CDH13: variants seen among roughly 807,000 people sequenced by gnomAD.
CDH13 encodes cadherin-13.
In CDH13, 24 loss-of-function variants were observed where a neutral mutation model predicts 63.8. That is an observed-to-expected ratio of 0.38 (90% CI 0.27 to 0.53). The LOEUF (loss-of-function observed/expected upper bound fraction) is 0.53. Ranked by LOEUF, CDH13 falls within the 20% of genes least tolerant of loss-of-function variation. The pLI is 0.85. For synonymous variants in CDH13, 503 were observed against 355.3 expected (o/e 1.42, Z -4.67); for missense variants, 1,049 against 903.1 (o/e 1.16, Z -2.07).
chr16:83,722,392 A>T (rs1382769006), intron 10 of CDH13, among the ~76,000 whole-genome samples: 1 of 152,234 alleles, frequency 6.6e-6, no homozygotes, highest in Non-Finnish European at 1.5e-5. Context: ...CCCTAGAGCC[A>T]ATTCATAGCA....
chr16:82,943,326 T>C (rs1269917367), intron 2 of CDH13, among the ~76,000 whole-genome samples: 1 of 152,206 alleles, frequency 6.6e-6, no homozygotes, highest in African/African-American at 2.4e-5. Context: ...GCTAGATCAG[T>C]TCTCATAATG....
At chr16:83,140,394 G>A (rs2036480306) in intron 4 of CDH13, among the ~76,000 whole-genome samples, 1 of 152,218 alleles carries the variant, frequency 6.6e-6, no homozygotes, top group African/African-American at 2.4e-5. Context: ...CTTCTAATGT[G>A]GGATCTACTG....
intron 3 of CDH13, among the ~76,000 whole-genome samples, chr16:83,114,349 G>A (rs73602253): frequency 0.05 from 7,678 of 152,256 alleles, 283 homozygotes; most frequent in African/African-American, 0.099. Flanking sequence ...CAAGGCAACA[G>A]TGACTTGCAC....
At chr16:82,876,534 A>G (rs1447770658) in intron 2 of CDH13, among the ~76,000 whole-genome samples, 1 of 152,224 alleles carries the variant, frequency 6.6e-6, no homozygotes, top group Non-Finnish European at 1.5e-5. Context: ...AAAAAAATAG[A>G]TGGAACAGGT....
intron 7 of CDH13, among the ~76,000 whole-genome samples, chr16:83,559,311 C>T (rs934980514): frequency 8.5e-5 from 13 of 152,128 alleles, no homozygotes; most frequent in African/African-American, 2.9e-4. Context: ...GTGGTTCACA[C>T]CTGTAATCCC....
chr16:83,623,751 A>G (rs182253790), intron 8 of CDH13, among the ~76,000 whole-genome samples: 130 of 152,320 alleles, frequency 8.5e-4, no homozygotes, highest in African/African-American at 3.0e-3. Context: ...GAAAGTCTCA[A>G]CAAACCCAAA....
At chr16:83,026,764 G>A (rs1031673264) in intron 2 of CDH13, among the ~76,000 whole-genome samples, 3 of 152,150 alleles carry the variant, frequency 2.0e-5, no homozygotes, top group Non-Finnish European at 4.4e-5. Flanking sequence ...AAATAGTAGT[G>A]CCATGACTGT....
intron 2 of CDH13, among the ~76,000 whole-genome samples, chr16:82,973,664 G>C (rs1329280774): frequency 1.3e-5 from 2 of 152,114 alleles, no homozygotes; most frequent in African/African-American, 4.8e-5. Flanking sequence ...GGCTGCAGCG[G>C]GTCAAGGATG....
At chr16:82,713,849 T>G (rs1197611920) in intron 1 of CDH13, among the ~76,000 whole-genome samples, 1 of 151,124 alleles carries the variant, frequency 6.6e-6, no homozygotes, top group Non-Finnish European at 1.5e-5. Context: ...ATAGTTTCCC[T>G]TTAACAGGGC....
intron 1 of CDH13, among the ~76,000 whole-genome samples, chr16:82,668,431 C>T (rs758183992): frequency 6.6e-6 from 1 of 152,080 alleles, no homozygotes; most frequent in Non-Finnish European, 1.5e-5. Context: ...GATAGGGAGG[C>T]ATTCAGAGCC....
chr16:82,989,501 A>G (rs1178153157), intron 2 of CDH13, among the ~76,000 whole-genome samples: 4 of 152,212 alleles, frequency 2.6e-5, no homozygotes, highest in South Asian at 4.1e-4. Flanking sequence ...AAGGGTGACC[A>G]GCAAAGTGGT....
rs902288562 is a variant in CDH13 at position 83,779,405 on chromosome 16, TCAAAAAAAAAAAA to T, written c.1682-562_1682-550del. 3.2e-4 allele frequency among the ~76,000 whole-genome samples: 22 copies of T among 67,810 alleles called. 2 individuals carry two copies. The highest frequency in any genetic ancestry group is 6.3e-4 in the South Asian group (1 of 1,584). The allele number at this position is 67,810 out of a possible 152,430, so 44.5% of individuals were successfully genotyped here. On this transcript the variant is annotated intron_variant, in intron 11 of 13. Transcript: ENST00000567109. ...CCGGGCGACAGCGCGAGACTCCATC[TCAAAAAAAAAAAA>T]AAAAAAAAAAAAAAAAAAAAGTCTT... is the stretch of plus-strand genomic sequence containing the variant.
chr16:83,724,852 G>A (rs1250035384), intron 10 of CDH13, among the ~76,000 whole-genome samples: 2 of 152,154 alleles, frequency 1.3e-5, no homozygotes, highest in East Asian at 3.9e-4. Context: ...CCCTTGAGAT[G>A]GCCTTTGGGT....
At chr16:82,818,181 C>A (rs920939678) in intron 1 of CDH13, among the ~76,000 whole-genome samples, 8 of 151,844 alleles carry the variant, frequency 5.3e-5, no homozygotes, top group African/African-American at 1.9e-4. Context: ...CATGTAGTTT[C>A]CCTTCTTAAG....
intron 8 of CDH13, among the ~76,000 whole-genome samples, chr16:83,649,031 C>T (rs1417285029): frequency 1.3e-5 from 2 of 152,216 alleles, no homozygotes; most frequent in Non-Finnish European, 2.9e-5. Context: ...GAAGGAAATT[C>T]AAGCTGAAAG....
intron 3 of CDH13, among the ~76,000 whole-genome samples, chr16:83,094,370 G>C (rs1010170009): frequency 5.3e-5 from 8 of 152,224 alleles, no homozygotes; most frequent in Non-Finnish European, 1.0e-4. Context: ...ACGCCTGAAA[G>C]ATGCAAGGTT....
intron 1 of CDH13, among the ~76,000 whole-genome samples, chr16:82,845,474 G>A (rs75696290): frequency 0.017 from 2,623 of 152,286 alleles, 36 homozygotes; most frequent in Non-Finnish European, 0.027. Context: ...GAGATCAGAG[G>A]TTGGCTGAGG....
Position 83,748,213 on chromosome 16 carries a change from C to A in CDH13, c.1644C>A (p.Asn548Lys). The A allele has an allele frequency of 6.2e-7, 1 of 1,613,890 alleles. No homozygotes were observed. Among genetic ancestry groups the A allele is most frequent in the East Asian group, 2.2e-5 (1 of 44,884 alleles). Residue 548 changes from asparagine (N) to lysine (K), a missense_variant, in exon 11 of 14, where the codon AAC becomes AAA. Physicochemically the swap from Asn to Lys is moderately conservative, Grantham distance 94 (BLOSUM62 0). Coordinates refer to ENST00000567109, the MANE Select transcript of CDH13 (RefSeq NM_001257.5). ...ACCGTGAGTCCCCATTTGTCGACAA[C>A]AGCGTGTACACTGCTCTCTTCCTGG... Reference protein sequence around the residue: ...VLDRESPFVDNSVYTALFLAI... With the variant: ...VLDRESPFVDKSVYTALFLAI...
At chr16:82,805,677 G>A (rs1040489617) in intron 1 of CDH13, among the ~76,000 whole-genome samples, 4 of 152,182 alleles carry the variant, frequency 2.6e-5, no homozygotes, top group African/African-American at 7.2e-5. Flanking sequence ...AGGTGTGGGT[G>A]TCTGATTTAG....
Sources: allele counts gnomAD v4.1 joint callset (sites outside exome capture counted in the v4.1 genomes callset), GRCh38; gene constraint gnomAD v4.1.1; transcripts MANE v1.5; gene names NCBI Gene and HGNC (gene_info 2026-07-23, HGNC 2026-07-21).